ZNF276: variants seen among roughly 807,000 people sequenced by gnomAD.
ZNF276 encodes the protein zinc finger protein 276.
ZNF276 carries 59 observed loss-of-function variants against 63.9 expected under a neutral mutation model. The observed-to-expected ratio is 0.92, with a 90% CI of 0.75 to 1.15. The LOEUF is 1.15. Ranked by LOEUF, ZNF276 falls within the 50% of genes most tolerant of loss-of-function variation. The pLI is 0.00. For synonymous variants in ZNF276, 496 were observed against 348.4 expected (o/e 1.42, Z -4.72); for missense variants, 1,084 against 843.8 (o/e 1.28, Z -3.53).
At chr16:89,730,294 G>C (rs1037957036) in intron 6 of ZNF276, among the ~76,000 whole-genome samples, 2 of 152,170 alleles carry the variant, frequency 1.3e-5, no homozygotes, top group African/African-American at 4.8e-5. Context: ...CAGGAGTCAT[G>C]GCTGGGAGTG....
chr16:89,722,894 T>G, intron 2 of ZNF276, 60 bp downstream of exon 2: 1 of 1,570,056 alleles, frequency 6.4e-7, no homozygotes. Flanking sequence ...TGACGGGTGT[T>G]GAGAGAGGGA....
chr16:89,740,118 C>G lies in ZNF276; in HGVS notation c.*1872C>G. 1 of 1,607,936 alleles carries G rather than the reference C, an allele frequency of 6.2e-7. No individual in the cohort carries two copies. The highest frequency in any genetic ancestry group is 8.5e-7 in the Non-Finnish European group (1 of 1,174,686). On this transcript the variant is annotated 3_prime_UTR_variant, in exon 11 of 11. Coordinates refer to ENST00000443381, the MANE Select transcript of ZNF276 (RefSeq NM_001113525.2). ...TGGTGCTCTGTAAACCGCAGGAGACCAACCCTGAGAATGGCCGACCTGGTG... is the reference window on the plus strand; with the variant it reads ...TGGTGCTCTGTAAACCGCAGGAGACGAACCCTGAGAATGGCCGACCTGGTG...
chr16:89,730,329 C>T (rs753332414), intron 6 of ZNF276, among the ~76,000 whole-genome samples: 1 of 152,134 alleles, frequency 6.6e-6, no homozygotes, highest in Non-Finnish European at 1.5e-5. Context: ...TGTACGGAAG[C>T]CCCCACTCCG....
rs1306560815 is a variant in ZNF276, at chr16:89,732,991, T to C, written c.1170-311T>C. On this transcript the variant is annotated intron_variant, in intron 6 of 10. Transcript: ENST00000443381. ...CCCTCTGCTGTGTTCGCCCTGACCCTGCTGTACCCTGCGCCCTCGCCCTCT... is the reference window on the plus strand; with the variant it reads ...CCCTCTGCTGTGTTCGCCCTGACCCCGCTGTACCCTGCGCCCTCGCCCTCT... 4.3e-5 allele frequency: 11 copies of C among 254,954 alleles called. No individual in the cohort carries two copies. In the East Asian group the frequency reaches 9.9e-4, roughly 23 times the overall value. The allele number at this position is 254,954 out of a possible 1,614,324, so 15.8% of individuals were successfully genotyped here.
chr16:89,723,139 T>C lies in ZNF276; in HGVS notation c.512T>C (p.Val171Ala), dbSNP rs1417344324. ...PAGRRKPCAK[V>A]GAQPPTGAEE... ...ATGGCCACACTGATCCTTTGCAGGG[T>C]CGGTGCCCAGCCCCCAACAGGGGCA... The change falls in exon 3 of 11, where the codon GTC (valine) becomes GCC (alanine). Residue 171 changes from valine to alanine, a missense_variant and splice_region_variant. By Grantham distance (64) the Val-to-Ala change is moderately conservative (BLOSUM62 0). Coordinates refer to ENST00000443381, the MANE Select transcript of ZNF276 (RefSeq NM_001113525.2). The C allele has an allele frequency of 3.7e-6, 6 of 1,613,046 alleles. No homozygotes were observed. Among genetic ancestry groups the C allele is most frequent in the South Asian group, 3.3e-5 (3 of 91,072 alleles).
chr16:89,727,948 C>T (rs1489165022), intron 5 of ZNF276, among the ~76,000 whole-genome samples: 1 of 152,234 alleles, frequency 6.6e-6, no homozygotes, highest in Non-Finnish European at 1.5e-5. Flanking sequence ...ACCCCTGCCT[C>T]TGAGCCAAGC....
intron 6 of ZNF276, 55 bp downstream of exon 6, chr16:89,729,373 C>A: frequency 6.7e-7 from 1 of 1,497,872 alleles, no homozygotes; most frequent in South Asian, 1.1e-5. Flanking sequence ...CCTAGACACC[C>A]GCCTGTGCTC....
chr16:89,736,331 ATTT>A (rs754681240), intron 9 of ZNF276, among the ~76,000 whole-genome samples: 1 of 135,068 alleles, frequency 7.4e-6, no homozygotes. Flanking sequence ...CCAGCCCCCA[ATTT>A]TTTTTTTTTT....
In ZNF276 at chr16:89,732,901, C is replaced by T. The variant is rs530787804; in HGVS notation, c.1170-401C>T. ...TGTACCCCGCTGTACCCTGCGCCCT[C>T]GCCCTCTGCTGTGTTCACCCCGACC... On this transcript the variant is annotated intron_variant, in intron 6 of 10. Transcript: ENST00000443381. 2.8e-5 allele frequency: 8 copies of T among 284,750 alleles called. 1 individual carries two copies. The highest frequency in any genetic ancestry group is 5.1e-5 in the Admixed American group (1 of 19,610). The allele number at this position is 284,750 out of a possible 1,614,324, so 17.6% of individuals were successfully genotyped here.
In ZNF276 at chr16:89,722,527, G is replaced by A. The variant is rs766380485; in HGVS notation, c.206-4G>A. The A allele has an allele frequency of 1.2e-6, 2 of 1,609,818 alleles. No individual in the cohort carries two copies. Among genetic ancestry groups the A allele is most frequent in the Non-Finnish European group, 1.7e-6 (2 of 1,178,528 alleles). On this transcript the variant is annotated splice_region_variant and splice_polypyrimidine_tract_variant and intron_variant, in intron 1 of 10. Coordinates refer to ENST00000443381, the MANE Select transcript of ZNF276 (RefSeq NM_001113525.2). ...CTGCTAACACTTCCTGCCGCTCTGT[G>A]CAGGAGCAGGCCGGGCTCTCGCCAT...
At chr16:89,736,838 GAGTTTCCAGTGA>G (rs1448379824) in intron 9 of ZNF276, among the ~76,000 whole-genome samples, 1 of 151,104 alleles carries the variant, frequency 6.6e-6, no homozygotes, top group Non-Finnish European at 1.5e-5. Flanking sequence ...CTGGGAGGTG[GAGTTTCCAGTGA>G]GCTGAGATTG....
rs2151714603 is a variant in ZNF276, at chr16:89,740,000, C to CT, written c.*1755dup. 1 of 1,614,198 alleles carries CT rather than the reference C, an allele frequency of 6.2e-7. No homozygotes were observed. Among genetic ancestry groups the CT allele is most frequent in the Non-Finnish European group, 8.5e-7 (1 of 1,180,000 alleles). On this transcript the variant is annotated 3_prime_UTR_variant, in exon 11 of 11. Coordinates refer to ENST00000443381, the MANE Select transcript of ZNF276 (RefSeq NM_001113525.2). ...TCAGCAGCGTGTTTCTTACCACTCT[C>CT]TGTCAACTGAAAGAGTGCCAGCCAG...
In ZNF276 at chr16:89,737,913, T is replaced by A; in HGVS notation, c.1574+8T>A. 6.3e-7 allele frequency: 1 copy of A among 1,575,292 alleles called. No homozygotes were observed. Among genetic ancestry groups the A allele is most frequent in the South Asian group, 1.1e-5 (1 of 89,360 alleles). On this transcript the variant is annotated splice_region_variant and intron_variant, in intron 10 of 10. Transcript: ENST00000443381. ...GGGAGCCAAGCCTTTGCAGTAAGTG[T>A]GAGTCAGGACCCCCTCCCAGGGCTG...
chr16:89,738,339 G>C lies in ZNF276; in HGVS notation c.*93G>C. The stretch of plus-strand genomic sequence containing the variant: ...CGTGTGCACCCGCATGGGAGGGTCG[G>C]AGGGTGCTGCCCGCCCTTGGTGCTG... On this transcript the variant is annotated 3_prime_UTR_variant, in exon 11 of 11. Coordinates refer to ENST00000443381, the MANE Select transcript of ZNF276 (RefSeq NM_001113525.2). The C allele has an allele frequency of 2.0e-6, 3 of 1,496,870 alleles. No homozygotes were observed. The highest frequency in any genetic ancestry group is 2.6e-5 in the South Asian group (2 of 77,476). The allele number at this position is 1,496,870 out of a possible 1,614,324, so 92.7% of individuals were successfully genotyped here. A position where few individuals can be genotyped will look rare whatever the true frequency, so the allele number is the denominator to read the frequency against.
In ZNF276 at chr16:89,722,656, C is replaced by T. The variant is rs1185186665; in HGVS notation, c.331C>T (p.Arg111Cys). 7.4e-6 allele frequency: 12 copies of T among 1,612,250 alleles called. No individual in the cohort carries two copies. The highest frequency in any genetic ancestry group is 1.7e-5 in the Admixed American group (1 of 60,030). Residue 111 changes from arginine to cysteine, a missense_variant, in exon 2 of 11, where the codon CGC becomes TGC. Arg to Cys is a radical substitution (Grantham distance 180). Transcript: ENST00000443381. ...ASMERPSAEERVLVRDFQRLL... is the reference protein window; with the variant it reads ...ASMERPSAEECVLVRDFQRLL... ...CATGGAGAGGCCATCCGCAGAGGAG[C>T]GCGTGCTCGTACGGGACTTCCAGCG...
chr16:89,728,344 C>T (rs981374614), intron 5 of ZNF276, among the ~76,000 whole-genome samples: 2 of 152,094 alleles, frequency 1.3e-5, no homozygotes, highest in Non-Finnish European at 2.9e-5. Context: ...CCCGCCTCAG[C>T]CTCCCGAGTA....
rs769115368 is a variant in ZNF276, at chr16:89,739,137, C to T, written c.*891C>T. 2 of 1,614,152 alleles carry T rather than the reference C, an allele frequency of 1.2e-6. No individual in the cohort carries two copies. On this transcript the variant is annotated 3_prime_UTR_variant, in exon 11 of 11. Coordinates refer to ENST00000443381, the MANE Select transcript of ZNF276 (RefSeq NM_001113525.2). ...GGGACTGGCCCTTGCACCTGCCTGA[C>T]CCTTGAGCTCCAGGCTCCTGCCAGC...
upstream of ZNF276, chr16:89,721,420 G>A (rs1473560991): frequency 2.4e-5 from 10 of 419,584 alleles, no homozygotes; most frequent in Admixed American, 4.6e-5. Flanking sequence ...CCCGAGAGGG[G>A]AGCGGTACGA....
upstream of ZNF276, chr16:89,721,065 G>C (rs2061254211): frequency 9.8e-6 from 4 of 409,892 alleles, no homozygotes; most frequent in Non-Finnish European, 8.0e-6. Flanking sequence ...GTCCGGGTGG[G>C]TTGTCGCGAC....
Sources: gnomAD v4.1 joint callset for allele counts (sites outside exome capture counted in the v4.1 genomes callset) on GRCh38, gnomAD v4.1.1 for gene constraint, MANE v1.5 for transcripts, NCBI Gene and HGNC (gene_info 2026-07-23, HGNC 2026-07-21) for gene names.